CACNA1S: variants seen among roughly 807,000 people sequenced by gnomAD.
CACNA1S encodes calcium voltage-gated channel subunit alpha1 S.
A neutral mutation model predicts 207.4 loss-of-function variants in CACNA1S; 126 were observed. The ratio of observed to expected loss-of-function variants is 0.61; its 90% confidence interval spans 0.53 to 0.70. CACNA1S has a LOEUF of 0.70. CACNA1S is among the 30% of genes least tolerant of loss of function. CACNA1S has a pLI of 0.00. For synonymous variants in CACNA1S, 960 were observed against 932.7 expected (o/e 1.03, Z -0.53); for missense variants, 2,349 against 2,422.8 (o/e 0.97, Z 0.64).
At chr1:201,061,894 G>A (rs1237685467) in intron 24 of CACNA1S, 50 bp downstream of exon 24, 4 of 1,609,858 alleles carry the variant, frequency 2.5e-6, no homozygotes, top group Non-Finnish European at 3.4e-6. Flanking sequence ...TGGCTGCCTG[G>A]TCCTACCTGA....
In CACNA1S at chr1:201,039,865, C is replaced by A; in HGVS notation, c.5588G>T (p.Gly1863Val). 1 of 1,609,786 alleles carries A rather than the reference C, an allele frequency of 6.2e-7. No individual in the cohort carries two copies. The highest frequency in any genetic ancestry group is 1.1e-5 in the South Asian group (1 of 91,086). ...SSLGSLDQHQ[G>V]SQETLIPPRL is the part of the protein sequence containing the mutation. ...TGGAGGAATAAGGGTCTCCTGGGAG[C>A]CCTGGTGTTGGTCGAGGCTGCCCAG... is the stretch of plus-strand genomic sequence containing the variant. The change falls in exon 44 of 44, where the codon GGC becomes GTC. Residue 1863 changes from glycine (G) to valine (V), a missense_variant. Coordinates refer to ENST00000362061, the MANE Select transcript of CACNA1S (RefSeq NM_000069.3).
chr1:201,069,030 T>C, intron 19 of CACNA1S, 107 bp downstream of exon 19: 1 of 987,414 alleles, frequency 1.0e-6, no homozygotes, highest in East Asian at 2.5e-5. Context: ...TTCCTGCCAG[T>C]CTCCACCTCT....
intron 6 of CACNA1S, 60 bp downstream of exon 6, chr1:201,089,198 A>T: frequency 6.5e-7 from 1 of 1,539,892 alleles, no homozygotes. Context: ...CTCCCTCCCC[A>T]CTCCCTTGCA....
At position 201,087,946 on chromosome 1, in the gene CACNA1S, T is replaced by G; in HGVS notation, c.901-17A>C. On this transcript the variant is annotated splice_polypyrimidine_tract_variant and intron_variant, in intron 6 of 43. Transcript: ENST00000362061. ...ATCATTGACCTGGTCAGGACAGAAG[T>G]GTGATCCTCTGAGTTGAGGGCTTGG... 6.5e-7 allele frequency: 1 copy of G among 1,538,830 alleles called. No homozygotes were observed. Among genetic ancestry groups the G allele is most frequent in the Non-Finnish European group, 9.0e-7 (1 of 1,113,370 alleles).
chr1:201,059,432 A>T (rs1045940773), intron 26 of CACNA1S, 133 bp from the exon 27 acceptor site: 25 of 604,596 alleles, frequency 4.1e-5, no homozygotes, highest in Non-Finnish European at 5.9e-6. Flanking sequence ...ACTTTGTTTT[A>T]GCTCAGAAAA....
chr1:201,070,159 G>A (rs1057476319), intron 17 of CACNA1S, 113 bp downstream of exon 17: 9 of 1,162,628 alleles, frequency 7.7e-6, no homozygotes, highest in Admixed American at 1.8e-5. Flanking sequence ...CTAAAACACT[G>A]AGTTTCTCAT....
chr1:201,045,563 C>T (rs1299012928), intron 38 of CACNA1S, among the ~76,000 whole-genome samples: 1 of 151,694 alleles, frequency 6.6e-6, no homozygotes, highest in Non-Finnish European at 1.5e-5. Context: ...AGCGAAACCC[C>T]ATCTCTACTA....
chr1:201,085,118 A>G (rs1661988025), intron 8 of CACNA1S, 87 bp from the exon 9 acceptor site: 1 of 940,078 alleles, frequency 1.1e-6, no homozygotes, highest in Non-Finnish European at 1.7e-6. Context: ...ACAAGGGCCC[A>G]TTGACCAGAG....
At chr1:201,047,307 GC>G in intron 37 of CACNA1S, 68 bp from the exon 38 acceptor site, 5 of 1,597,054 alleles carry the variant, frequency 3.1e-6, no homozygotes, top group Non-Finnish European at 3.4e-6. Flanking sequence ...CAGAGTGGGA[GC>G]CAGCTGTAGC....
chr1:201,111,943 T>TCCCCCCCCCTCCTCCTCTTCCTCCTCCC (rs1663122775), intron 1 of CACNA1S, among the ~76,000 whole-genome samples: 1 of 108,374 alleles, frequency 9.2e-6, no homozygotes, highest in African/African-American at 4.2e-5. Flanking sequence ...TTCCTCCTCC[T>TCCCCCCCCCTCCTCCTCTTCCTCCTCCC]CCCCCACCCT....
At chr1:201,101,611 C>T (rs887363401) in intron 2 of CACNA1S, among the ~76,000 whole-genome samples, 3 of 152,236 alleles carry the variant, frequency 2.0e-5, no homozygotes, top group South Asian at 2.1e-4. Flanking sequence ...GAGAGAGACT[C>T]GCACCTTTCA....
chr1:201,075,395 C>G, intron 13 of CACNA1S, 100 bp downstream of exon 13: 1 of 1,448,710 alleles, frequency 6.9e-7, no homozygotes, highest in South Asian at 1.2e-5. Context: ...AGCCAGAGGG[C>G]CTGGCTACCT....
intron 2 of CACNA1S, 103 bp from the exon 3 acceptor site, chr1:201,094,124 G>A (rs1222207228): frequency 3.8e-5 from 54 of 1,418,668 alleles, no homozygotes; most frequent in Non-Finnish European, 4.5e-5. Flanking sequence ...GCTCAGGCAC[G>A]CCCACCTCAG....
At position 201,048,616 on chromosome 1, in the gene CACNA1S, G is replaced by A. The variant is rs1452033579; in HGVS notation, c.4407C>T (p.Ala1469=). The change falls in exon 36 of 44, where the codon GCC becomes GCT. Residue 1469 remains alanine, a synonymous_variant. Transcript: ENST00000362061. The part of the protein sequence containing the change: ...GTVTFNATLF[A]LVRTALKIKT... ...TGATCTTGAGTGCCGTGCGGACCAG[G>A]GCAAAGAGTGTGGCATTGAAGGTGA... 6.2e-7 allele frequency: 1 copy of A among 1,613,888 alleles called. No individual in the cohort carries two copies. Among genetic ancestry groups the A allele is most frequent in the African/African-American group, 1.3e-5 (1 of 74,936 alleles).
chr1:201,102,306 C>T (rs1372955801), intron 2 of CACNA1S, among the ~76,000 whole-genome samples: 1 of 152,150 alleles, frequency 6.6e-6, no homozygotes, highest in Non-Finnish European at 1.5e-5. Flanking sequence ...GTGAATAGGT[C>T]ACAGGAACTG....
intron 4 of CACNA1S, 28 bp from the exon 5 acceptor site, chr1:201,091,820 G>A: frequency 6.2e-7 from 1 of 1,607,118 alleles, no homozygotes; most frequent in Non-Finnish European, 8.5e-7. Context: ...GAAGGGAAAA[G>A]AGGAGTCGCC....
chr1:201,083,870 C>T (rs144660956), intron 9 of CACNA1S, among the ~76,000 whole-genome samples: 1 of 152,208 alleles, frequency 6.6e-6, no homozygotes, highest in Non-Finnish European at 1.5e-5. Context: ...CCTCCCACCT[C>T]AGACTTCCGA....
At chr1:201,073,510 C>A in intron 15 of CACNA1S, 39 bp downstream of exon 15, 1 of 1,485,160 alleles carries the variant, frequency 6.7e-7, no homozygotes, top group Non-Finnish European at 9.4e-7. Flanking sequence ...TTGGAAGAGC[C>A]CCTAGACTGC....
At chr1:201,074,702 G>T (rs915127908) in intron 13 of CACNA1S, 82 bp from the exon 14 acceptor site, 1 of 852,754 alleles carries the variant, frequency 1.2e-6, no homozygotes, top group Non-Finnish European at 1.9e-6. Context: ...CTGCATGTGG[G>T]CAGGACCTAA....
Sources: allele counts gnomAD v4.1 joint callset (sites outside exome capture counted in the v4.1 genomes callset), GRCh38; gene constraint gnomAD v4.1.1; transcripts MANE v1.5; gene names NCBI Gene and HGNC (gene_info 2026-07-23, HGNC 2026-07-21).